Variants in FRMD5 observed in about 807,000 individuals in gnomAD.
FRMD5 encodes the protein FERM domain containing 5, also known as FERM domain-containing protein 5.
FRMD5 carries 20 observed loss-of-function variants against 69.0 expected under a neutral mutation model. The ratio of observed to expected loss-of-function variants is 0.29; its 90% CI spans 0.20 to 0.42. The LOEUF (loss-of-function observed/expected upper bound fraction) is 0.42. Ranked by LOEUF, FRMD5 falls within the 10% of genes least tolerant of loss-of-function variation. The pLI, the probability that FRMD5 is intolerant of heterozygous loss-of-function variation, is 1.00. For synonymous variants in FRMD5, 271 were observed against 260.1 expected (o/e 1.04, Z -0.40); for missense variants, 595 against 708.6 (o/e 0.84, Z 1.82).
At chr15:44,172,383 G>T (rs2077821022) in intron 1 of FRMD5, among the ~76,000 whole-genome samples, 1 of 151,250 alleles carries the variant, frequency 6.6e-6, no homozygotes, top group Non-Finnish European at 1.5e-5. Flanking sequence ...CAACCAAAGT[G>T]CTGGGGGTTC....
intron 4 of FRMD5, among the ~76,000 whole-genome samples, chr15:43,916,779 AT>A (rs10673261): frequency 0.12 from 16,067 of 139,484 alleles, 1,074 homozygotes; most frequent in African/African-American, 0.21. Context: ...ACAAAATTGT[AT>A]TTTTTTTTTT....
intron 1 of FRMD5, among the ~76,000 whole-genome samples, chr15:44,124,393 GAAGA>G (rs1403397379): frequency 1.3e-5 from 2 of 151,760 alleles, no homozygotes; most frequent in Non-Finnish European, 2.9e-5. Context: ...TAGGAAGGAA[GAAGA>G]AAGAAGAAAA....
chr15:44,183,976 C>CAA (rs71421823), intron 1 of FRMD5, among the ~76,000 whole-genome samples: 1 of 123,954 alleles, frequency 8.1e-6, no homozygotes, highest in Non-Finnish European at 1.7e-5. Context: ...GTCTCCGTCT[C>CAA]AAAAAAAAAA....
At chr15:44,017,847 G>T (rs1170008990) in intron 1 of FRMD5, among the ~76,000 whole-genome samples, 2 of 151,838 alleles carry the variant, frequency 1.3e-5, no homozygotes, top group East Asian at 3.9e-4. Context: ...CTAACCTCGT[G>T]ATCCGCCCGC....
intron 1 of FRMD5, among the ~76,000 whole-genome samples, chr15:44,191,060 T>C (rs917268007): frequency 2.0e-5 from 3 of 152,220 alleles, no homozygotes; most frequent in Admixed American, 1.3e-4. Flanking sequence ...ATTCTATTTA[T>C]GGTAGTATCT....
At position 43,924,315 on chromosome 15, in the gene FRMD5, A is replaced by G. The variant is rs1292458924; in HGVS notation, c.103-6T>C. ...TACTGGCCTTTGGCATCTCTCTGCA[A>G]AGAAAGAAAACTCCATTGAGAAATG... On this transcript the variant is annotated splice_polypyrimidine_tract_variant and splice_region_variant and intron_variant, in intron 1 of 13. Transcript: ENST00000417257. The G allele has an allele frequency of 6.2e-7, 1 of 1,608,634 alleles. No homozygotes were observed. The highest frequency in any genetic ancestry group is 8.5e-7 in the Non-Finnish European group (1 of 1,175,458).
At chr15:44,035,608 G>A (rs1188319422) in intron 1 of FRMD5, among the ~76,000 whole-genome samples, 6 of 152,140 alleles carry the variant, frequency 3.9e-5, no homozygotes, top group Admixed American at 3.9e-4. Context: ...TGCCTGTTAT[G>A]ATGTACTTAT....
upstream of FRMD5, among the ~76,000 whole-genome samples, chr15:44,199,320 C>G (rs1248089156): frequency 6.6e-6 from 1 of 152,226 alleles, no homozygotes; most frequent in Non-Finnish European, 1.5e-5. Flanking sequence ...GGATTAGATA[C>G]AGGCCTGGCC....
intron 1 of FRMD5, among the ~76,000 whole-genome samples, chr15:44,005,785 C>A (rs895997404): frequency 1.3e-5 from 2 of 152,172 alleles, no homozygotes; most frequent in Non-Finnish European, 2.9e-5. Context: ...AAGCCACCCC[C>A]ACCAGATCCA....
intron 1 of FRMD5, among the ~76,000 whole-genome samples, chr15:44,151,831 T>A (rs1268906489): frequency 6.6e-6 from 1 of 152,210 alleles, no homozygotes; most frequent in African/African-American, 2.4e-5. Context: ...AAAATCTTTA[T>A]AAATCACATA....
intron 11 of FRMD5, chr15:43,885,026 C>G (rs2088629895): frequency 2.1e-6 from 1 of 472,946 alleles, no homozygotes; most frequent in East Asian, 3.2e-5. Context: ...TAGGATCTTC[C>G]ATTCTCATTT....
At position 44,187,824 on chromosome 15, in the gene FRMD5, C is replaced by G. The variant is rs561133554; in HGVS notation, c.102+7129G>C. 2.0e-5 allele frequency among the ~76,000 whole-genome samples: 3 copies of G among 152,214 alleles called. No individual in the cohort carries two copies. In the South Asian group the frequency reaches 6.2e-4, roughly 32 times the overall value. On this transcript the variant is annotated intron_variant, in intron 1 of 13. Coordinates refer to ENST00000417257, the MANE Select transcript of FRMD5 (RefSeq NM_032892.5). Reference sequence around the variant, plus strand: ...CCTCGAGGGATCCTCCTGCCTTGGTCCCCCAAAGCACTGAGATTATAGGCA... The same window carrying G: ...CCTCGAGGGATCCTCCTGCCTTGGTGCCCCAAAGCACTGAGATTATAGGCA...
chr15:43,971,733 T>A (rs959007429), intron 1 of FRMD5, among the ~76,000 whole-genome samples: 1 of 151,868 alleles, frequency 6.6e-6, no homozygotes, highest in Non-Finnish European at 1.5e-5. Context: ...TTTTTTTGAG[T>A]TTCACTCTTG....
intron 1 of FRMD5, among the ~76,000 whole-genome samples, chr15:44,137,458 A>C (rs1330968770): frequency 6.6e-6 from 1 of 152,144 alleles, no homozygotes; most frequent in Non-Finnish European, 1.5e-5. Flanking sequence ...CCCTCTCCCC[A>C]CTGACTCAAT....
intron 1 of FRMD5, among the ~76,000 whole-genome samples, chr15:44,094,102 G>A (rs981247181): frequency 6.6e-6 from 1 of 152,056 alleles, no homozygotes; most frequent in African/African-American, 2.4e-5. Context: ...CTCAAGCCAG[G>A]CCAGTCAGAT....
intron 1 of FRMD5, among the ~76,000 whole-genome samples, chr15:43,998,610 A>G (rs918553712): frequency 2.6e-5 from 4 of 152,210 alleles, no homozygotes; most frequent in African/African-American, 9.6e-5. Context: ...AAATCCCTAA[A>G]CTCCACTGCC....
intron 1 of FRMD5, among the ~76,000 whole-genome samples, chr15:43,936,578 T>C (rs2089765069): frequency 6.6e-6 from 1 of 152,106 alleles, no homozygotes; most frequent in Non-Finnish European, 1.5e-5. Flanking sequence ...CAACTCCTAA[T>C]ACCCAGTGAG....
chr15:44,001,938 C>G (rs1237252852), intron 1 of FRMD5, among the ~76,000 whole-genome samples: 1 of 152,112 alleles, frequency 6.6e-6, no homozygotes, highest in African/African-American at 2.4e-5. Context: ...CTAGGCTGAT[C>G]TCAAACTCCT....
At chr15:44,077,063 C>T (rs1410154723) in intron 1 of FRMD5, among the ~76,000 whole-genome samples, 1 of 151,978 alleles carries the variant, frequency 6.6e-6, no homozygotes, top group Non-Finnish European at 1.5e-5. Context: ...TTGATACTTT[C>T]CCCAGAAAAC....
Sources: gnomAD v4.1 joint callset for allele counts (sites outside exome capture counted in the v4.1 genomes callset) on GRCh38, gnomAD v4.1.1 for gene constraint, MANE v1.5 for transcripts, NCBI Gene and HGNC (gene_info 2026-07-23, HGNC 2026-07-21) for gene names.